The following SMAD5 variants were observed in gnomAD, a reference collection of about 807,000 sequenced individuals.
The protein encoded by SMAD5 is MAD, mothers against decapentaplegic homolog 5.
A neutral mutation model predicts 43.1 loss-of-function variants in SMAD5; 9 were observed. The ratio of observed to expected loss-of-function variants is 0.21; its 90% confidence interval spans 0.13 to 0.36. The LOEUF is 0.36. SMAD5 is among the 10% of genes least tolerant of loss of function. SMAD5 has a pLI of 1.00. For missense variants in SMAD5, 348 were observed against 574.0 expected, an observed-to-expected ratio of 0.61 and a Z score of 4.02; for synonymous variants, 190 against 192.4, an observed-to-expected ratio of 0.99 and a Z score of 0.10.
At chr5:136,136,224 C>G (rs1032084129) in intron 1 of SMAD5, among the ~76,000 whole-genome samples, 1 of 152,214 alleles carries the variant, frequency 6.6e-6, no homozygotes, top group African/African-American at 2.4e-5. Context: ...GTCGCCCAAT[C>G]TGGAGTCCAG....
chr5:136,169,541 T>G (rs1424589912), intron 5 of SMAD5, among the ~76,000 whole-genome samples: 1 of 152,244 alleles, frequency 6.6e-6, no homozygotes, highest in Non-Finnish European at 1.5e-5. Flanking sequence ...AAGAACCTTT[T>G]GGTTGCTTCT....
intron 7 of SMAD5, among the ~76,000 whole-genome samples, chr5:136,174,883 A>G (rs1754360364): frequency 6.6e-6 from 1 of 152,226 alleles, no homozygotes; most frequent in Non-Finnish European, 1.5e-5. Flanking sequence ...TGAGATTATA[A>G]GGAATTTTAG....
chr5:136,172,969 A>C (rs1754280066), intron 6 of SMAD5: 1 of 325,404 alleles, frequency 3.1e-6, no homozygotes, highest in Non-Finnish European at 5.8e-6. Context: ...CCCAGTAGCT[A>C]GAAGAGTGCC....
At position 136,172,585 on chromosome 5, in the gene SMAD5, C is replaced by T. The variant is rs1754266260; in HGVS notation, c.927C>T (p.Phe309=). The part of the protein sequence containing the change: ...FTDPSNNKSR[F]CLGLLSNVNR... Reference sequence around the variant, plus strand: ...ATCCTTCAAATAACAAAAGTAGATTCTGCTTGGGTTTGTTGTCAAATGTTA... The same window carrying T: ...ATCCTTCAAATAACAAAAGTAGATTTTGCTTGGGTTTGTTGTCAAATGTTA... The change falls in exon 6 of 8, where the codon TTC becomes TTT. Residue 309 remains phenylalanine, a synonymous_variant. Coordinates refer to ENST00000545279, the MANE Select transcript of SMAD5 (RefSeq NM_005903.7). 6.2e-7 allele frequency: 1 copy of T among 1,613,300 alleles called. No homozygotes were observed. The highest frequency in any genetic ancestry group is 8.5e-7 in the Non-Finnish European group (1 of 1,179,332).
At chr5:136,141,585 G>T (rs977726742) in intron 1 of SMAD5, among the ~76,000 whole-genome samples, 1 of 152,104 alleles carries the variant, frequency 6.6e-6, no homozygotes, top group Non-Finnish European at 1.5e-5. Flanking sequence ...CTTCACCCTT[G>T]GCTAGTGCTG....
At chr5:136,138,427 T>C (rs1324509421) in intron 1 of SMAD5, among the ~76,000 whole-genome samples, 1 of 152,242 alleles carries the variant, frequency 6.6e-6, no homozygotes, top group African/African-American at 2.4e-5. Flanking sequence ...TTGTATCCTG[T>C]CTTTCTTGTA....
At chr5:136,145,554 C>T (rs1282811838) in intron 1 of SMAD5, among the ~76,000 whole-genome samples, 1 of 151,862 alleles carries the variant, frequency 6.6e-6, no homozygotes, top group African/African-American at 2.4e-5. Context: ...CTTCAGGGTT[C>T]ATAAAATAAT....
chr5:136,165,971 A>G (rs1011016811), intron 5 of SMAD5, among the ~76,000 whole-genome samples: 1 of 151,974 alleles, frequency 6.6e-6, no homozygotes, highest in Admixed American at 6.6e-5. Context: ...CATGGTAATT[A>G]TATTTATACT....
intron 5 of SMAD5, among the ~76,000 whole-genome samples, chr5:136,165,212 G>T (rs1459487966): frequency 6.6e-6 from 1 of 152,054 alleles, no homozygotes; most frequent in Non-Finnish European, 1.5e-5. Flanking sequence ...GCAGTGGCGT[G>T]ATCATAGCTC....
rs1449480884 is a variant in SMAD5, at chr5:136,181,504, A to G, written c.*4024A>G. ...AGTGGTGGTTTATAGGTGGTATCAG[A>G]TATTATTAGGGCAGCTTTTTGGGGA... On this transcript the variant is annotated 3_prime_UTR_variant, in exon 8 of 8. Coordinates refer to ENST00000545279, the MANE Select transcript of SMAD5 (RefSeq NM_005903.7). 2 of 152,148 alleles carry G rather than the reference A, an allele frequency of 1.3e-5. No individual in the cohort carries two copies. The highest frequency in any genetic ancestry group is 4.8e-5 in the African/African-American group (2 of 41,444). The allele number at this position is 152,148 out of a possible 1,614,324, so 9.4% of individuals were successfully genotyped here.
At chr5:136,164,401 C>T (rs763623350) in intron 5 of SMAD5, among the ~76,000 whole-genome samples, 1 of 152,158 alleles carries the variant, frequency 6.6e-6, no homozygotes, top group Non-Finnish European at 1.5e-5. Context: ...CCTCCTAACA[C>T]CTGTTATTGT....
At chr5:136,168,663 T>C (rs765659009) in intron 5 of SMAD5, among the ~76,000 whole-genome samples, 2 of 152,216 alleles carry the variant, frequency 1.3e-5, no homozygotes, top group African/African-American at 4.8e-5. Flanking sequence ...TCCACCCTTA[T>C]GATATGATAC....
intron 2 of SMAD5, among the ~76,000 whole-genome samples, chr5:136,150,554 A>G (rs185136629): frequency 2.2e-4 from 33 of 152,102 alleles, no homozygotes; most frequent in Non-Finnish European, 3.8e-4. Flanking sequence ...TTCAGTGACC[A>G]TAGCCTCTTC....
intron 2 of SMAD5, among the ~76,000 whole-genome samples, chr5:136,151,416 C>T (rs905395202): frequency 1.3e-5 from 2 of 151,886 alleles, no homozygotes; most frequent in Non-Finnish European, 2.9e-5. Flanking sequence ...GAGTATGCTG[C>T]GTTAAGTTAC....
chr5:136,158,258 C>T (rs908310853), intron 3 of SMAD5, among the ~76,000 whole-genome samples: 1 of 151,484 alleles, frequency 6.6e-6, no homozygotes, highest in East Asian at 1.9e-4. Flanking sequence ...TTTTGTATAT[C>T]ATAGATTAAA....
chr5:136,144,467 CTG>C (rs1753193317), intron 1 of SMAD5, among the ~76,000 whole-genome samples: 1 of 151,882 alleles, frequency 6.6e-6, no homozygotes, highest in South Asian at 2.1e-4. Flanking sequence ...TTATAAACAA[CTG>C]TTTTACAATA....
chr5:136,165,367 G>GTTTT (rs925145765), intron 5 of SMAD5, among the ~76,000 whole-genome samples: 1 of 150,210 alleles, frequency 6.7e-6, no homozygotes, highest in African/African-American at 2.4e-5. Context: ...GGCTGGCCCT[G>GTTTT]TTTTTTTTTG....
At chr5:136,149,045 G>T (rs893390804) in intron 2 of SMAD5, among the ~76,000 whole-genome samples, 2 of 151,730 alleles carry the variant, frequency 1.3e-5, no homozygotes, top group African/African-American at 4.8e-5. Flanking sequence ...ACCCTTCTTA[G>T]TGCTCTTCTG....
intron 3 of SMAD5, among the ~76,000 whole-genome samples, chr5:136,159,476 A>AT (rs1048056355): frequency 3.3e-5 from 5 of 152,156 alleles, no homozygotes; most frequent in East Asian, 1.9e-4. Flanking sequence ...ATATAAAATA[A>AT]TTTTTTAAAA....
Sources: allele counts gnomAD v4.1 joint callset (sites outside exome capture counted in the v4.1 genomes callset), GRCh38; gene constraint gnomAD v4.1.1; transcripts MANE v1.5; gene names NCBI Gene and HGNC (gene_info 2026-07-23, HGNC 2026-07-21).